Variants in LRRC47 observed in about 807,000 individuals in gnomAD.
LRRC47 encodes leucine rich repeat containing 47.
In LRRC47, 31 loss-of-function variants were observed where a neutral mutation model predicts 40.9. The ratio of observed to expected loss-of-function variants is 0.76; its 90% CI spans 0.57 to 1.02. The LOEUF (loss-of-function observed/expected upper bound fraction) is 1.02, where lower values mean the gene tolerates loss of function less well. Among genes scored for constraint, LRRC47 ranks in the 50% least tolerant of loss-of-function variants. LRRC47 has a pLI of 0.00. For missense variants in LRRC47, 726 were observed against 796.1 expected (o/e 0.91, Z 1.06); for synonymous variants, 427 against 371.9 (o/e 1.15, Z -1.70).
chr1:3,793,922 C>T (rs919117858), intron 1 of LRRC47, among the ~76,000 whole-genome samples: 4 of 152,240 alleles, frequency 2.6e-5, no homozygotes, highest in South Asian at 2.1e-4. Flanking sequence ...CTCGGCCGGG[C>T]GCGGTGGCTC....
chr1:3,794,571 C>T (rs912866600), intron 1 of LRRC47, among the ~76,000 whole-genome samples: 2 of 151,926 alleles, frequency 1.3e-5, no homozygotes, highest in Admixed American at 6.5e-5. Context: ...GTGGTGTGAC[C>T]TCAAGCGATC....
In LRRC47 at chr1:3,787,025, C is replaced by T. The variant is rs138729139; in HGVS notation, c.901G>A (p.Val301Met). ...REGGDGEEQD[V>M]GDAGRLLLRV... ...AGCAGCAGCCGGCCGGCATCTCCCA[C>T]GTCCTGCTCCTCCCCATCACCACCT... The change falls in exon 2 of 7, where the codon GTG becomes ATG. Residue 301 changes from valine to methionine, a missense_variant. Transcript: ENST00000378251. The T allele has an allele frequency of 4.4e-3, 7,123 of 1,611,778 alleles. 23 individuals carry two copies. The highest frequency in any genetic ancestry group is 5.5e-3 in the Non-Finnish European group (6,536 of 1,179,056).
In LRRC47 at chr1:3,795,972, G is replaced by A; in HGVS notation, c.505C>T (p.Pro169Ser). 1 of 1,584,812 alleles carries A rather than the reference G, an allele frequency of 6.3e-7. No individual in the cohort carries two copies. The highest frequency in any genetic ancestry group is 2.3e-5 in the East Asian group (1 of 43,930). ...NLTGNCLDSFPAELFRPGALP... is the reference protein window; with the variant it reads ...NLTGNCLDSFSAELFRPGALP... ...GCGCCGGGGCGAAAGAGCTCGGCGG[G>A]AAAGGAGTCTAGGCAATTGCCGGTG... Residue 169 changes from proline to serine, a missense_variant, in exon 1 of 7, where the codon CCC becomes TCC. By Grantham distance (74) the Pro-to-Ser change is moderately conservative (BLOSUM62 -1). Coordinates refer to ENST00000378251, the MANE Select transcript of LRRC47 (RefSeq NM_020710.3).
In LRRC47 at chr1:3,780,974, CA is replaced by C. The variant is rs35582128; in HGVS notation, c.*113del. 37,875 of 1,153,602 alleles carry C rather than the reference CA, an allele frequency of 0.033. 436 individuals are homozygous for C. The highest frequency in any genetic ancestry group is 0.15 in the East Asian group (5,197 of 33,588). 71.5% of individuals were successfully genotyped at this position (1,153,602 alleles called of 1,614,324 possible). A position where few individuals can be genotyped will look rare whatever the true frequency, so the allele number is the denominator to read the frequency against. On this transcript the variant is annotated 3_prime_UTR_variant, in exon 7 of 7. Coordinates refer to ENST00000378251, the MANE Select transcript of LRRC47 (RefSeq NM_020710.3). ...CTGGCGACAGAGCGAGACTCCATCTCAAAAAAAAAAACCAACAAAAAAACTG... is the reference window on the plus strand; with the variant it reads ...CTGGCGACAGAGCGAGACTCCATCTCAAAAAAAAAACCAACAAAAAAACTG...
chr1:3,785,255 C>T (rs772843654), intron 2 of LRRC47, 52 bp from the exon 3 acceptor site: 11 of 1,333,096 alleles, frequency 8.3e-6, no homozygotes, highest in South Asian at 1.5e-5. Context: ...TGAAGCCCAG[C>T]GAGGTGTCCA....
Position 3,778,645 on chromosome 1 carries a change from C to T in LRRC47, c.*2443G>A, listed in dbSNP as rs931332913. On this transcript the variant is annotated 3_prime_UTR_variant, in exon 7 of 7. Coordinates refer to ENST00000378251, the MANE Select transcript of LRRC47 (RefSeq NM_020710.3). ...AGACACCTGTGCTGCGAGTTAAATA[C>T]ATTTCCAGCATCTCACGCATCACAA... 1.3e-5 allele frequency: 2 copies of T among 153,518 alleles called. No homozygotes were observed. The highest frequency in any genetic ancestry group is 8.6e-4 in the Middle Eastern group (1 of 1,164). 9.5% of individuals were successfully genotyped at this position (153,518 alleles called of 1,614,324 possible).
At chr1:3,786,250 C>T (rs904974618) in intron 2 of LRRC47, among the ~76,000 whole-genome samples, 10 of 152,196 alleles carry the variant, frequency 6.6e-5, no homozygotes, top group African/African-American at 2.4e-4. Flanking sequence ...GTAATCCCCA[C>T]ACTTTGGGAG....
chr1:3,788,788 C>T (rs556392614), intron 1 of LRRC47, among the ~76,000 whole-genome samples: 2 of 151,942 alleles, frequency 1.3e-5, no homozygotes, highest in Admixed American at 6.6e-5. Flanking sequence ...AGGGAGGAAG[C>T]GACAACTTAA....
intron 2 of LRRC47, among the ~76,000 whole-genome samples, chr1:3,785,735 C>A (rs1254379666): frequency 3.9e-5 from 6 of 152,168 alleles, no homozygotes; most frequent in Non-Finnish European, 7.4e-5. Flanking sequence ...CTTGCCAAAA[C>A]CTAAACAATT....
In LRRC47 at chr1:3,779,297, T is replaced by C. The variant is rs1267093490; in HGVS notation, c.*1791A>G. The C allele has an allele frequency of 6.6e-6, 1 of 152,260 alleles. No homozygotes were observed. The highest frequency in any genetic ancestry group is 2.4e-5 in the African/African-American group (1 of 41,462). The allele number at this position is 152,260 out of a possible 1,614,324, so 9.4% of individuals were successfully genotyped here. On this transcript the variant is annotated 3_prime_UTR_variant, in exon 7 of 7. Transcript: ENST00000378251. ...TAAAGGTGTGTGGGCTGTGGGGCTCTTGCAGATGCTTCCCAAAATCACCAG... is the reference window on the plus strand; with the variant it reads ...TAAAGGTGTGTGGGCTGTGGGGCTCCTGCAGATGCTTCCCAAAATCACCAG...
In LRRC47 at chr1:3,781,528, A is replaced by G. The variant is rs776089389; in HGVS notation, c.1487T>C (p.Met496Thr). ...CACACTCACCAGAATGAGGGCATCC[A>G]TGACATCCTTGCAAATCTGCAGACT... ...ATSLQICKDVMDALILKMAEM... is the reference protein window; with the variant it reads ...ATSLQICKDVTDALILKMAEM... Residue 496 changes from methionine to threonine, a missense_variant, in exon 6 of 7, where the codon ATG becomes ACG. Coordinates refer to ENST00000378251, the MANE Select transcript of LRRC47 (RefSeq NM_020710.3). 1.2e-6 allele frequency: 2 copies of G among 1,613,970 alleles called. No individual in the cohort carries two copies. Among genetic ancestry groups the G allele is most frequent in the South Asian group, 1.1e-5 (1 of 91,074 alleles).
chr1:3,794,137 G>C (rs563216693), intron 1 of LRRC47, among the ~76,000 whole-genome samples: 2 of 152,214 alleles, frequency 1.3e-5, no homozygotes, highest in African/African-American at 4.8e-5. Context: ...GGAGCTTGCA[G>C]TGAGCCAAGG....
At chr1:3,792,130 T>C (rs751638990) in intron 1 of LRRC47, among the ~76,000 whole-genome samples, 4 of 152,226 alleles carry the variant, frequency 2.6e-5, no homozygotes, top group Non-Finnish European at 4.4e-5. Flanking sequence ...GGACATCAAA[T>C]GCATTTGCCT....
In LRRC47 at chr1:3,796,206, G is replaced by C. The variant is rs971335560; in HGVS notation, c.271C>G (p.Leu91Val). 8 of 1,432,924 alleles carry C rather than the reference G, an allele frequency of 5.6e-6. No homozygotes were observed. The highest frequency in any genetic ancestry group is 1.5e-5 in the African/African-American group (1 of 66,524). The allele number at this position is 1,432,924 out of a possible 1,614,324, so 88.8% of individuals were successfully genotyped here. Residue 91 changes from leucine to valine, a missense_variant, in exon 1 of 7, where the codon CTG becomes GTG. Physicochemically the swap from Leu to Val is conservative, Grantham distance 32. Transcript: ENST00000378251. ...GGCAGCGGCCCGAGCTCGGGGCTCA[G>C]GCCGGGCCCCAGCGCGTTGCGCCGC... Reference protein sequence around the residue: ...VLRRNALGPGLSPELGPLPAL... With the variant: ...VLRRNALGPGVSPELGPLPAL...
intron 2 of LRRC47, among the ~76,000 whole-genome samples, 194 bp downstream of exon 2, chr1:3,786,655 C>G (rs950761747): frequency 2.0e-5 from 3 of 152,228 alleles, no homozygotes; most frequent in East Asian, 1.9e-4. Flanking sequence ...GGCCTTACCC[C>G]CTCCTCAGCA....
chr1:3,792,819 T>C (rs1389824625), intron 1 of LRRC47, among the ~76,000 whole-genome samples: 1 of 152,224 alleles, frequency 6.6e-6, no homozygotes, highest in Admixed American at 6.5e-5. Context: ...TGCAACTGAC[T>C]GGACACTTAC....
intron 5 of LRRC47, 56 bp downstream of exon 5, chr1:3,782,605 A>T: frequency 9.5e-7 from 1 of 1,057,796 alleles, no homozygotes; most frequent in Non-Finnish European, 1.5e-6. Flanking sequence ...GACTTGTGTT[A>T]ATTCTACAGG....
At chr1:3,792,750 C>T (rs1004290989) in intron 1 of LRRC47, among the ~76,000 whole-genome samples, 2 of 152,128 alleles carry the variant, frequency 1.3e-5, no homozygotes, top group Admixed American at 6.5e-5. Context: ...TGGGCCTGGC[C>T]CACAACACTT....
In LRRC47 at chr1:3,796,096, G is replaced by C; in HGVS notation, c.381C>G (p.Gly127=). 2 of 1,476,524 alleles carry C rather than the reference G, an allele frequency of 1.4e-6. No individual in the cohort carries two copies. Among genetic ancestry groups the C allele is most frequent in the Non-Finnish European group, 1.8e-6 (2 of 1,121,936 alleles). The allele number at this position is 1,476,524 out of a possible 1,614,324, so 91.5% of individuals were successfully genotyped here. The change falls in exon 1 of 7, where the codon GGC becomes GGG. Residue 127 remains glycine (G), a synonymous_variant. Coordinates refer to ENST00000378251, the MANE Select transcript of LRRC47 (RefSeq NM_020710.3). Reference sequence around the variant, plus strand: ...GGTTGAGGCTCTGCAGCTGCGGAAGGCCCGGCGGCTCGGCGGGGCCCAGGC... The same window carrying C: ...GGTTGAGGCTCTGCAGCTGCGGAAGCCCCGGCGGCTCGGCGGGGCCCAGGC... The part of the protein sequence containing the change: ...GQGLGPAEPP[G]LPQLQSLNLS...
Sources: allele counts gnomAD v4.1 joint callset (sites outside exome capture counted in the v4.1 genomes callset), GRCh38; gene constraint gnomAD v4.1.1; transcripts MANE v1.5; gene names NCBI Gene and HGNC (gene_info 2026-07-23, HGNC 2026-07-21).